POTEB3: variants seen among roughly 807,000 people sequenced by gnomAD.
POTEB3 encodes the protein POTE ankyrin domain family member B3, also known as ANKRD26-like family B member 1.
POTEB3 carries 5 observed loss-of-function variants against 39.8 expected under a neutral mutation model. That is an observed-to-expected ratio of 0.13 (90% CI 0.07 to 0.26). The LOEUF (loss-of-function observed/expected upper bound fraction) is 0.26, where lower values mean the gene tolerates loss of function less well. POTEB3 is among the 10% of genes least tolerant of loss of function. POTEB3 has a pLI of 1.00. For missense variants in POTEB3, 24 were observed against 475.6 expected (o/e 0.05, Z 8.83); for synonymous variants, 5 against 161.5 (o/e 0.03, Z 7.35).
intron 3 of POTEB3, among the ~76,000 whole-genome samples, chr15:21,434,156 A>G (rs1247834906): frequency 1.4e-5 from 2 of 141,196 alleles, no homozygotes; most frequent in African/African-American, 5.6e-5. Context: ...TGATTGCTGC[A>G]TTTTTCCCTT....
At chr15:21,434,114 T>C (rs1899095854) in intron 3 of POTEB3, among the ~76,000 whole-genome samples, 1 of 142,370 alleles carries the variant, frequency 7.0e-6, no homozygotes, top group Non-Finnish European at 1.5e-5. Flanking sequence ...TTTTCCCCCA[T>C]TACCTAATTT....
chr15:21,430,804 G>A (rs1331854314), intron 4 of POTEB3, among the ~76,000 whole-genome samples: 1 of 151,618 alleles, frequency 6.6e-6, no homozygotes, highest in Non-Finnish European at 1.5e-5. Flanking sequence ...TCTGCATGCT[G>A]AAAGCAGTAA....
Position 21,410,715 on chromosome 15 carries a change from G to T in POTEB3, c.1533+163C>A, listed in dbSNP as rs1287694786. ...GTACATATATAGATATATGACCAAG[G>T]ATATACAGGGGGTGTGTGTGTGTGT... On this transcript the variant is annotated intron_variant, in intron 10 of 10. Transcript: ENST00000611217. Among the ~76,000 whole-genome samples, 203 of 77,724 alleles carry T rather than the reference G, an allele frequency of 2.6e-3. 67 individuals are homozygous for T. The highest frequency in any genetic ancestry group is 0.019 in the Middle Eastern group (3 of 158). The allele number at this position is 77,724 out of a possible 152,430, so 51.0% of individuals were successfully genotyped here.
chr15:21,429,328 ACTGATCT>A (rs1163740848), intron 5 of POTEB3, among the ~76,000 whole-genome samples: 4 of 151,076 alleles, frequency 2.6e-5, no homozygotes, highest in Admixed American at 2.0e-4. Context: ...AGAAACAAAC[ACTGATCT>A]CTTTCTGCCA....
intron 6 of POTEB3, chr15:21,425,159 T>C: frequency 7.1e-6 from 1 of 139,922 alleles, no homozygotes; most frequent in East Asian, 2.1e-4. Context: ...CTTTACATGG[T>C]TATCTTCCAT....
chr15:21,422,875 T>A (rs1364455821), intron 6 of POTEB3, among the ~76,000 whole-genome samples: 1 of 149,802 alleles, frequency 6.7e-6, no homozygotes, highest in Non-Finnish European at 1.5e-5. Flanking sequence ...AGCCAAGCCC[T>A]GTCTTTGTTC....
In POTEB3 at chr15:21,410,774, C is replaced by T. The variant is rs111143775; in HGVS notation, c.1533+104G>A. The T allele has an allele frequency of 3.5e-5, 25 of 708,898 alleles. 4 individuals carry two copies. The highest frequency in any genetic ancestry group is 1.1e-3 in the Middle Eastern group (2 of 1,850). The allele number at this position is 708,898 out of a possible 1,614,324, so 43.9% of individuals were successfully genotyped here. ...ATACACACACACAGACACACACACA[C>T]GTGTGTATATATATGATTTAAAAAT... On this transcript the variant is annotated intron_variant, in intron 10 of 10. Coordinates refer to ENST00000611217, the MANE Select transcript of POTEB3 (RefSeq NM_207355.5).
At chr15:21,434,486 T>C (rs1297743729) in intron 3 of POTEB3, among the ~76,000 whole-genome samples, 175 bp downstream of exon 3, 1 of 80,166 alleles carries the variant, frequency 1.2e-5, no homozygotes, top group African/African-American at 6.4e-5. Context: ...TACCCTCTAA[T>C]GCTTCTTTAA....
Position 21,410,724 on chromosome 15 carries a change from GGGGTGT to G in POTEB3, c.1533+148_1533+153del, listed in dbSNP as rs1410539043. Among the ~76,000 whole-genome samples the G allele has an allele frequency of 2.6e-5, 2 of 76,362 alleles. 1 individual carries two copies. The highest frequency in any genetic ancestry group is 2.2e-4 in the African/African-American group (2 of 9,108). 50.1% of individuals were successfully genotyped at this position (76,362 alleles called of 152,430 possible). On this transcript the variant is annotated intron_variant, in intron 10 of 10. Transcript: ENST00000611217. ...TAGATATATGACCAAGGATATACAG[GGGGTGT>G]GTGTGTGTGTGTGTATATATACACA...
At chr15:21,411,130 G>A (rs1898313943) in intron 9 of POTEB3, 129 bp from the exon 10 acceptor site, 4 of 469,742 alleles carry the variant, frequency 8.5e-6, no homozygotes, top group Non-Finnish European at 1.3e-5. Context: ...AGGCAAAGGG[G>A]CCTCACATCT....
At chr15:21,434,061 ACAC>A (rs1899090979) in intron 3 of POTEB3, among the ~76,000 whole-genome samples, 3 of 102,310 alleles carry the variant, frequency 2.9e-5, no homozygotes, top group South Asian at 2.6e-4. Context: ...ACACACACAC[ACAC>A]AAACAAAAAC....
intron 3 of POTEB3, among the ~76,000 whole-genome samples, chr15:21,433,379 T>G (rs1449504084): frequency 6.7e-6 from 1 of 150,108 alleles, no homozygotes; most frequent in African/African-American, 2.5e-5. Flanking sequence ...TGCACCACCA[T>G]GCCTGGCTTC....
intron 6 of POTEB3, among the ~76,000 whole-genome samples, chr15:21,422,648 G>T (rs1898552762): frequency 7.0e-6 from 1 of 142,426 alleles, no homozygotes; most frequent in Non-Finnish European, 1.6e-5. Flanking sequence ...ACAGGTATGG[G>T]CTCCAGACAT....
Position 21,419,643 on chromosome 15 carries a change from T to G in POTEB3, c.1243-13A>C. 1.5e-6 allele frequency: 1 copy of G among 645,772 alleles called. No individual in the cohort carries two copies. Among genetic ancestry groups the G allele is most frequent in the Non-Finnish European group, 2.2e-6 (1 of 450,058 alleles). 40.0% of individuals were successfully genotyped at this position (645,772 alleles called of 1,614,324 possible). ...TTTCTTCTTCAACCTTGAGTGGAAG[T>G]TTGATATTAAGGATGGTTATCACTT... is the stretch of plus-strand genomic sequence containing the variant. On this transcript the variant is annotated splice_polypyrimidine_tract_variant and intron_variant, in intron 8 of 10. Coordinates refer to ENST00000611217, the MANE Select transcript of POTEB3 (RefSeq NM_207355.5).
chr15:21,422,814 T>C (rs1898560380), intron 6 of POTEB3, among the ~76,000 whole-genome samples: 1 of 151,502 alleles, frequency 6.6e-6, no homozygotes, highest in Non-Finnish European at 1.5e-5. Flanking sequence ...TGCAAAACTG[T>C]CACTATATGA....
At chr15:21,412,844 TA>T (rs1278279551) in intron 9 of POTEB3, among the ~76,000 whole-genome samples, 1 of 41,646 alleles carries the variant, frequency 2.4e-5, no homozygotes, top group Non-Finnish European at 3.9e-5. Context: ...GCAACAAAAA[TA>T]AAAATAAATA....
intron 9 of POTEB3, among the ~76,000 whole-genome samples, chr15:21,418,183 C>CAG (rs1311847830): frequency 1.3e-5 from 1 of 75,482 alleles, no homozygotes; most frequent in Admixed American, 1.2e-4. Context: ...GCCTGGGCAA[C>CAG]AGAGACCCTG....
chr15:21,430,920 A>G (rs1898936038), intron 4 of POTEB3, among the ~76,000 whole-genome samples: 1 of 151,878 alleles, frequency 6.6e-6, no homozygotes. Flanking sequence ...TTTCTTGCTT[A>G]TGCACAGCCA....
intron 3 of POTEB3, among the ~76,000 whole-genome samples, chr15:21,433,414 A>G (rs1438998881): frequency 7.3e-5 from 11 of 149,906 alleles, no homozygotes; most frequent in African/African-American, 2.5e-4. Context: ...AAACATACAT[A>G]TCCAGGCTTT....
Sources: gnomAD v4.1 joint callset for allele counts (sites outside exome capture counted in the v4.1 genomes callset) on GRCh38, gnomAD v4.1.1 for gene constraint, MANE v1.5 for transcripts, NCBI Gene and HGNC (gene_info 2026-07-23, HGNC 2026-07-21) for gene names.